The following RPRD1B variants were observed in gnomAD, a reference collection of about 807,000 sequenced individuals.
The protein encoded by RPRD1B is regulation of nuclear pre-mRNA domain containing 1B.
RPRD1B carries 11 observed loss-of-function variants against 41.5 expected under a neutral mutation model. That is an observed-to-expected ratio of 0.27 (90% CI 0.17 to 0.44). The LOEUF (loss-of-function observed/expected upper bound fraction) is 0.44. Ranked by LOEUF, RPRD1B falls within the 20% of genes least tolerant of loss-of-function variation. RPRD1B has a pLI of 1.00. For missense variants in RPRD1B, 248 were observed against 389.9 expected (o/e 0.64, Z 3.06); for synonymous variants, 158 against 155.6 (o/e 1.02, Z -0.12).
chr20:38,073,058 C>T (rs1422447119), intron 6 of RPRD1B, among the ~76,000 whole-genome samples: 1 of 152,180 alleles, frequency 6.6e-6, no homozygotes, highest in Non-Finnish European at 1.5e-5. Flanking sequence ...CATCTGGTAA[C>T]TTCATCAGAT....
intron 6 of RPRD1B, among the ~76,000 whole-genome samples, chr20:38,077,169 CA>C (rs1180904511): frequency 2.6e-5 from 4 of 152,010 alleles, no homozygotes; most frequent in Non-Finnish European, 5.9e-5. Flanking sequence ...CCACCCGCCT[CA>C]GCCTCCCAAA....
chr20:38,086,262 AT>A, intron 6 of RPRD1B, among the ~76,000 whole-genome samples: 1 of 152,338 alleles, frequency 6.6e-6, no homozygotes, highest in East Asian at 1.9e-4. Context: ...GACTATAAAA[AT>A]TACTATAGCT....
rs2074604193 is a variant in RPRD1B at position 38,090,618 on chromosome 20, TCTC to T, written c.*745_*747del. 2.0e-6 allele frequency: 2 copies of T among 985,486 alleles called. No individual in the cohort carries two copies. Among genetic ancestry groups the T allele is most frequent in the African/African-American group, 3.5e-5 (2 of 57,370 alleles). The allele number at this position is 985,486 out of a possible 1,614,324, so 61.0% of individuals were successfully genotyped here. On this transcript the variant is annotated 3_prime_UTR_variant, in exon 7 of 7. Coordinates refer to ENST00000373433, the MANE Select transcript of RPRD1B (RefSeq NM_021215.4). ...AGATACAACCTTCCCATGCTGCACT[TCTC>T]CACTGTCGGAGCACGTTCCGAAAAA...
At chr20:38,055,665 T>TA (rs1476542365) in intron 3 of RPRD1B, among the ~76,000 whole-genome samples, 2 of 152,218 alleles carry the variant, frequency 1.3e-5, no homozygotes, top group African/African-American at 2.4e-5. Context: ...TAGCTTTTGT[T>TA]TCAGTTTCTT....
intron 3 of RPRD1B, among the ~76,000 whole-genome samples, chr20:38,053,656 G>A (rs1017606097): frequency 3.3e-5 from 5 of 152,162 alleles, no homozygotes; most frequent in African/African-American, 1.2e-4. Context: ...GGGACATGAT[G>A]GAGTGAGCAC....
Position 38,063,494 on chromosome 20 carries a change from T to C in RPRD1B, c.656-2587T>C, listed in dbSNP as rs147424212. On this transcript the variant is annotated intron_variant, in intron 5 of 6. Transcript: ENST00000373433. ...GAGGATTGGTGGGCATAAAGCCCGA[T>C]TGGGGTGGGCTCAGGAGGAGAGCAG... Among the ~76,000 whole-genome samples, 1,258 of 152,226 alleles carry C rather than the reference T, an allele frequency of 8.3e-3. 10 individuals are homozygous for C. The highest frequency in any genetic ancestry group is 0.025 in the African/African-American group (1,029 of 41,534).
At chr20:38,061,340 T>G (rs992348456) in intron 5 of RPRD1B, among the ~76,000 whole-genome samples, 1 of 152,258 alleles carries the variant, frequency 6.6e-6, no homozygotes, top group African/African-American at 2.4e-5. Context: ...GCTTTTTGTC[T>G]GTTCCTTTCC....
intron 6 of RPRD1B, among the ~76,000 whole-genome samples, chr20:38,086,300 A>G (rs1024645956): frequency 6.6e-6 from 1 of 152,214 alleles, no homozygotes; most frequent in Admixed American, 6.5e-5. Context: ...AGAGCTTGCC[A>G]TGAATTCGAG....
At chr20:38,049,531 A>G (rs541411507) in intron 3 of RPRD1B, among the ~76,000 whole-genome samples, 1 of 150,446 alleles carries the variant, frequency 6.6e-6, no homozygotes. Flanking sequence ...CACCATGCCC[A>G]GCTAATTTTT....
chr20:38,057,454 T>C (rs559856292), intron 3 of RPRD1B, 78 bp from the exon 4 acceptor site: 2 of 924,958 alleles, frequency 2.2e-6, no homozygotes, highest in Non-Finnish European at 3.6e-6. Flanking sequence ...TGTTTTTACA[T>C]GTGGCCCATT....
At chr20:38,080,539 T>A (rs184306064) in intron 6 of RPRD1B, among the ~76,000 whole-genome samples, 120 of 152,324 alleles carry the variant, frequency 7.9e-4, no homozygotes, top group Non-Finnish European at 1.1e-3. Flanking sequence ...TTATTTATTT[T>A]TTTGAGTCTT....
Position 38,078,236 on chromosome 20 carries a change from C to T in RPRD1B, c.832-11490C>T, listed in dbSNP as rs1228909065. On this transcript the variant is annotated intron_variant, in intron 6 of 6. Coordinates refer to ENST00000373433, the MANE Select transcript of RPRD1B (RefSeq NM_021215.4). ...CCCTCCTGTGCCCTATGACTTGGCC[C>T]CTGCTGACTTCCTCAGCCACATCTC... Among the ~76,000 whole-genome samples the T allele has an allele frequency of 4.0e-5, 6 of 151,896 alleles. No homozygotes were observed. The South Asian group carries it at 1.3e-3, about 32-fold the overall frequency.
rs749380293 is a variant in RPRD1B, at chr20:38,089,839, C to G, written c.945C>G (p.Pro315=). ...LLPNVTGGLA[P]LPSAGDLFST... is the part of the protein sequence containing the mutation. Reference sequence around the variant, plus strand: ...CCAACGTCACAGGGGGCTTAGCCCCCCTGCCCTCTGCTGGGGACCTGTTTT... The same window carrying G: ...CCAACGTCACAGGGGGCTTAGCCCCGCTGCCCTCTGCTGGGGACCTGTTTT... Residue 315 remains proline (P), a synonymous_variant, in exon 7 of 7, where the codon CCC becomes CCG. Coordinates refer to ENST00000373433, the MANE Select transcript of RPRD1B (RefSeq NM_021215.4). 1 of 1,614,164 alleles carries G rather than the reference C, an allele frequency of 6.2e-7. No individual in the cohort carries two copies. Among genetic ancestry groups the G allele is most frequent in the Non-Finnish European group, 8.5e-7 (1 of 1,180,016 alleles).
At position 38,036,514 on chromosome 20, in the gene RPRD1B, T is replaced by G. The variant is rs115209948; in HGVS notation, c.151+2416T>G. The stretch of plus-strand genomic sequence containing the variant: ...TGGTTACATCTTTGTCATTAGATTA[T>G]GTTTTGAGAGAGGAACTAGACCTTC... On this transcript the variant is annotated intron_variant, in intron 1 of 6. Coordinates refer to ENST00000373433, the MANE Select transcript of RPRD1B (RefSeq NM_021215.4). Among the ~76,000 whole-genome samples, 1,079 of 152,342 alleles carry G rather than the reference T, an allele frequency of 7.1e-3. 5 individuals are homozygous for G. Among genetic ancestry groups the G allele is most frequent in the African/African-American group, 0.021 (863 of 41,566 alleles).
intron 2 of RPRD1B, among the ~76,000 whole-genome samples, chr20:38,045,701 C>T (rs2074114050): frequency 6.6e-6 from 1 of 152,164 alleles, no homozygotes; most frequent in African/African-American, 2.4e-5. Flanking sequence ...GTGATACCCA[C>T]CTACTTTTAA....
chr20:38,085,199 C>T (rs1179477108), intron 6 of RPRD1B, among the ~76,000 whole-genome samples: 1 of 152,008 alleles, frequency 6.6e-6, no homozygotes, highest in African/African-American at 2.4e-5. Flanking sequence ...GAGCGTTGTG[C>T]GCTGTGGTTG....
At chr20:38,066,332 C>A in intron 6 of RPRD1B, 76 bp downstream of exon 6, 1 of 1,277,270 alleles carries the variant, frequency 7.8e-7, no homozygotes, top group Non-Finnish European at 1.1e-6. Context: ...TTTTATTATG[C>A]TTTAATTAAC....
In RPRD1B at chr20:38,033,955, C is replaced by G. The variant is rs540457724; in HGVS notation, c.8C>G (p.Ser3Cys). 295 of 1,611,108 alleles carry G rather than the reference C, an allele frequency of 1.8e-4. 19 individuals carry two copies. In the South Asian group the frequency reaches 3.2e-3, roughly 18 times the overall value. ...GGCCTCACTGCCGCCACCATGTCCT[C>G]CTTCTCTGAGTCGGCGCTGGAGAAG... MSSFSESALEKKL... is the reference protein window; with the variant it reads MSCFSESALEKKL... The change falls in exon 1 of 7, where the codon TCC becomes TGC. Residue 3 changes from serine to cysteine, a missense_variant. This residue lies in a region of RPRD1B where 14 missense variants were observed against 19.9 expected (regional missense o/e 0.70). Coordinates refer to ENST00000373433, the MANE Select transcript of RPRD1B (RefSeq NM_021215.4).
chr20:38,049,818 T>C (rs1201041825), intron 3 of RPRD1B: 1 of 471,110 alleles, frequency 2.1e-6, no homozygotes, highest in Non-Finnish European at 4.4e-6. Flanking sequence ...GTCCAAGTAC[T>C]GATAGTATTG....
Sources: allele counts gnomAD v4.1 joint callset (sites outside exome capture counted in the v4.1 genomes callset), GRCh38; gene constraint gnomAD v4.1.1; regional missense constraint gnomAD v4.1.1; transcripts MANE v1.5; gene names NCBI Gene and HGNC (gene_info 2026-07-23, HGNC 2026-07-21).